The following SMG5 variants were observed in gnomAD, a reference collection of about 807,000 sequenced individuals.
SMG5 encodes the protein SMG5 nonsense mediated mRNA decay factor.
A neutral mutation model predicts 122.9 loss-of-function variants in SMG5; 53 were observed. The observed-to-expected ratio is 0.43, with a 90% CI of 0.35 to 0.54. SMG5 has a LOEUF of 0.54. SMG5 is among the 20% of genes least tolerant of loss of function. The pLI is 0.01. For missense variants in SMG5, 1,153 were observed against 1,285.6 expected, an observed-to-expected ratio of 0.90 and a Z score of 1.58; for synonymous variants, 477 against 490.2, an observed-to-expected ratio of 0.97 and a Z score of 0.35.
Position 156,277,929 on chromosome 1 carries a change from T to C in SMG5, c.293A>G (p.Lys98Arg). The change falls in exon 3 of 22, where the codon AAA (lysine) becomes AGA (arginine). Residue 98 changes from lysine (K) to arginine (R), a missense_variant. Lys to Arg is a conservative substitution (Grantham distance 26). Coordinates refer to ENST00000361813, the MANE Select transcript of SMG5 (RefSeq NM_015327.3). ...YEVIQLIKTN[K>R]KHIHSRSTLE... The stretch of plus-strand genomic sequence containing the variant: ...TAGACAAGGACTTCCCCTTACCTTT[T>C]TGTTAGTCTTGATAAGCTGGATAAC... 1.9e-6 allele frequency: 3 copies of C among 1,613,962 alleles called. No individual in the cohort carries two copies. The highest frequency in any genetic ancestry group is 1.7e-5 in the Admixed American group (1 of 60,018).
At chr1:156,273,143 C>A (rs940534297) in intron 6 of SMG5, among the ~76,000 whole-genome samples, 2 of 152,172 alleles carry the variant, frequency 1.3e-5, no homozygotes, top group African/African-American at 4.8e-5. Flanking sequence ...TCTACTCTGC[C>A]TCACTCCTTA....
intron 9 of SMG5, 48 bp downstream of exon 9, chr1:156,268,067 T>C (rs755787212): frequency 3.1e-6 from 5 of 1,592,678 alleles, no homozygotes; most frequent in South Asian, 1.1e-5. Context: ...TAAAGCATCA[T>C]GGCTGGGGCT....
rs148917125 is a variant in SMG5 at position 156,266,439 on chromosome 1, A to G, written c.1256-59T>C. ...GAACAGGTGGAGCCTGGAAGCTGGAATGTGCTCTCCAACACCACTTCCCCC... is the reference window on the plus strand; with the variant it reads ...GAACAGGTGGAGCCTGGAAGCTGGAGTGTGCTCTCCAACACCACTTCCCCC... On this transcript the variant is annotated intron_variant, in intron 11 of 21. Coordinates refer to ENST00000361813, the MANE Select transcript of SMG5 (RefSeq NM_015327.3). The G allele has an allele frequency of 1.9e-4, 309 of 1,600,906 alleles. 2 individuals are homozygous for G. The East Asian group carries it at 3.8e-3, about 20-fold the overall frequency.
upstream of SMG5, chr1:156,286,017 G>A (rs1223275833): frequency 7.0e-6 from 11 of 1,575,262 alleles, no homozygotes; most frequent in Non-Finnish European, 9.5e-6. Context: ...GCATCGGGAA[G>A]TGGACTTGAG....
At chr1:156,275,613 A>C (rs1662647494) in intron 4 of SMG5, among the ~76,000 whole-genome samples, 1 of 152,150 alleles carries the variant, frequency 6.6e-6, no homozygotes, top group South Asian at 2.1e-4. Flanking sequence ...GGTTGCTTCC[A>C]TTTGGAAAAG....
upstream of SMG5, among the ~76,000 whole-genome samples, chr1:156,286,799 T>C (rs1003662414): frequency 1.4e-4 from 21 of 152,202 alleles, no homozygotes; most frequent in African/African-American, 4.8e-4. Context: ...TGTAACCAAA[T>C]GTACAACTTA....
rs1572568604 is a variant in SMG5 at position 156,250,409 on chromosome 1, A to C, written c.*178T>G. 1 of 642,930 alleles carries C rather than the reference A, an allele frequency of 1.6e-6. No homozygotes were observed. Among genetic ancestry groups the C allele is most frequent in the Non-Finnish European group, 2.8e-6 (1 of 359,390 alleles). 39.8% of individuals were successfully genotyped at this position (642,930 alleles called of 1,614,324 possible). A position where few individuals can be genotyped will look rare whatever the true frequency, so the allele number is the denominator to read the frequency against. On this transcript the variant is annotated 3_prime_UTR_variant, in exon 22 of 22. Coordinates refer to ENST00000361813, the MANE Select transcript of SMG5 (RefSeq NM_015327.3). ...TTCCTAACGTCTTGGCAACAAAGGG[A>C]CCCCACCCTCCCAGCCGGCTCCTGG...
At chr1:156,251,180 G>T in intron 20 of SMG5, 184 bp from the exon 21 acceptor site, 1 of 941,948 alleles carries the variant, frequency 1.1e-6, no homozygotes, top group Non-Finnish European at 1.6e-6. Flanking sequence ...AAAACACCAA[G>T]CCTGAGCATC....
rs796648577 is a variant in SMG5 at position 156,249,695 on chromosome 1, CTT to C, written c.*890_*891del. On this transcript the variant is annotated 3_prime_UTR_variant, in exon 22 of 22. Transcript: ENST00000361813. ...TCTGCTGCCCACTGAATGCCGGCCC[CTT>C]GTCTTCAGCCCTCCCTTAGATAGGA... The C allele has an allele frequency of 8.6e-6, 4 of 466,508 alleles. 1 individual carries two copies. The highest frequency in any genetic ancestry group is 8.0e-5 in the African/African-American group (4 of 50,074). The allele number at this position is 466,508 out of a possible 1,614,324, so 28.9% of individuals were successfully genotyped here. A position where few individuals can be genotyped will look rare whatever the true frequency, so the allele number is the denominator to read the frequency against.
At chr1:156,262,478 A>G (rs1009494092) in intron 13 of SMG5, among the ~76,000 whole-genome samples, 3 of 79,608 alleles carry the variant, frequency 3.8e-5, no homozygotes, top group East Asian at 3.7e-4. Flanking sequence ...TCCATCTCAG[A>G]AAAAAAAAAA....
chr1:156,251,192 C>T, intron 20 of SMG5, 196 bp from the exon 21 acceptor site: 2 of 914,520 alleles, frequency 2.2e-6, no homozygotes, highest in Non-Finnish European at 3.4e-6. Context: ...CTGAGCATCG[C>T]AAGGCCCAAA....
At chr1:156,291,420 C>G in the SMG5 span, 1 of 1,614,112 alleles carries the variant, frequency 6.2e-7, no homozygotes, top group Non-Finnish European at 8.5e-7. Context: ...GTGGGCCGCT[C>G]CTTCCGAGGC....
rs1558231416 is a variant in SMG5 at position 156,252,376 on chromosome 1, C to CAGGA, written c.2753+37_2753+38insTCCT. On this transcript the variant is annotated intron_variant, in intron 19 of 21. Coordinates refer to ENST00000361813, the MANE Select transcript of SMG5 (RefSeq NM_015327.3). Reference sequence around the variant, plus strand: ...AAGCATGTGTTATCCAAAAGACAGACCCAGGGCTCAGCACAGGTCCAGCCA... The same window carrying CAGGA: ...AAGCATGTGTTATCCAAAAGACAGACAGGACCAGGGCTCAGCACAGGTCCAGCCA... 3 of 1,599,750 alleles carry CAGGA rather than the reference C, an allele frequency of 1.9e-6. No individual in the cohort carries two copies. The South Asian group carries it at 3.3e-5, about 18-fold the overall frequency.
intron 16 of SMG5, 126 bp downstream of exon 16, chr1:156,258,879 C>A: frequency 8.4e-7 from 1 of 1,188,518 alleles, no homozygotes; most frequent in African/African-American, 1.6e-5. Context: ...GCCTCCCCTC[C>A]CCTCTCCCTA....
At chr1:156,267,796 A>G in intron 9 of SMG5, 118 bp from the exon 10 acceptor site, 2 of 893,608 alleles carry the variant, frequency 2.2e-6, no homozygotes, top group South Asian at 1.7e-5. Flanking sequence ...ACCTGAGAGC[A>G]CACCAGGGAA....
Position 156,279,011 on chromosome 1 carries a change from C to A in SMG5, c.98G>T (p.Arg33Leu), listed in dbSNP as rs147617947. The change falls in exon 2 of 22, where the codon CGA becomes CTA. Residue 33 changes from arginine (R) to leucine (L), a missense_variant. By Grantham distance (102) the Arg-to-Leu change is moderately radical. Around this residue, in one of 5 missense-constraint regions of SMG5, gnomAD observed 213 missense variants for 197.5 expected, o/e 1.08. Transcript: ENST00000361813. ...LYRAVVEAVHRLDLILCNKTA... is the reference protein window; with the variant it reads ...LYRAVVEAVHLLDLILCNKTA... ...TTTGTTGCAAAGGATGAGGTCAAGTCGATGCACAGCCTCCACCACAGCCCT... is the reference window on the plus strand; with the variant it reads ...TTTGTTGCAAAGGATGAGGTCAAGTAGATGCACAGCCTCCACCACAGCCCT... 1.9e-6 allele frequency: 3 copies of A among 1,614,086 alleles called. No individual in the cohort carries two copies. Among genetic ancestry groups the A allele is most frequent in the South Asian group, 1.1e-5 (1 of 91,058 alleles).
chr1:156,265,072 C>CA (rs1553293437), intron 12 of SMG5, among the ~76,000 whole-genome samples: 4 of 147,734 alleles, frequency 2.7e-5, no homozygotes, highest in Non-Finnish European at 4.5e-5. Context: ...CACACACACA[C>CA]AAAAGCCGGG....
At chr1:156,290,939 G>A in the SMG5 span, 165 of 163,186 alleles carry the variant, frequency 1.0e-3, 1 homozygote, top group South Asian at 2.5e-3. Flanking sequence ...GGTAAAGGGA[G>A]GAAGATATTT....
intron 1 of SMG5, among the ~76,000 whole-genome samples, chr1:156,280,997 G>A (rs1662910848): frequency 6.6e-6 from 1 of 152,040 alleles, no homozygotes; most frequent in East Asian, 1.9e-4. Context: ...TTTCATATCC[G>A]TAAACAGCTA....
Sources: allele counts gnomAD v4.1 joint callset (sites outside exome capture counted in the v4.1 genomes callset), GRCh38; gene constraint gnomAD v4.1.1; regional missense constraint gnomAD v4.1.1; transcripts MANE v1.5; gene names NCBI Gene and HGNC (gene_info 2026-07-23, HGNC 2026-07-21).